Variants in SLC1A6 observed in about 807,000 individuals in gnomAD.
SLC1A6 encodes the protein solute carrier family 1 member 6, also known as excitatory amino acid transporter 4.
A neutral mutation model predicts 42.1 loss-of-function variants in SLC1A6; 15 were observed. That is an observed-to-expected ratio of 0.36 (90% confidence interval 0.24 to 0.55). The LOEUF (loss-of-function observed/expected upper bound fraction) is 0.55. Ranked by LOEUF, SLC1A6 falls within the 20% of genes least tolerant of loss-of-function variation. The pLI is 0.88. For missense variants in SLC1A6, 542 were observed against 772.5 expected (o/e 0.70, Z 3.54); for synonymous variants, 317 against 319.7 (o/e 0.99, Z 0.09).
At chr19:14,981,934 A>T (rs1432898203), upstream of SLC1A6, among the ~76,000 whole-genome samples, 1 of 152,154 alleles carries the variant, frequency 6.6e-6, no homozygotes, top group African/African-American at 2.4e-5. Flanking sequence ...AGGCTGATGC[A>T]GGAGGACCGC....
At position 14,954,164 on chromosome 19, in the gene SLC1A6, C is replaced by T. The variant is rs745340215; in HGVS notation, c.1335G>A (p.Glu445=). The T allele has an allele frequency of 1.2e-6, 2 of 1,611,132 alleles. No individual in the cohort carries two copies. Among genetic ancestry groups the T allele is most frequent in the Non-Finnish European group, 1.7e-6 (2 of 1,178,472 alleles). Residue 445 remains glutamate (E), a synonymous_variant, in exon 8 of 10, where the codon GAG becomes GAA. Coordinates refer to ENST00000594383, the MANE Select transcript of SLC1A6 (RefSeq NM_005071.3). The part of the protein sequence containing the change: ...AIFIAQVNNY[E]LNLGQITTIS... ...TGGTTGTGATCTGACCCAGGTTGAGCTCGTAGTTGTTAACTTGAGCAATGA... is the reference window on the plus strand; with the variant it reads ...TGGTTGTGATCTGACCCAGGTTGAGTTCGTAGTTGTTAACTTGAGCAATGA...
Position 14,990,283 on chromosome 19 carries a change from A to G in SLC1A6, c.7-17366T>C, listed in dbSNP as rs190207768. Among the ~76,000 whole-genome samples, 428 of 152,328 alleles carry G rather than the reference A, an allele frequency of 2.8e-3. 1 individual carries two copies. The highest frequency in any genetic ancestry group is 9.7e-3 in the African/African-American group (402 of 41,580). ...GAACAAATGACAGGATTTCCTTTTG[A>G]TGAACCTGGAGAACATTATGTTGGG... On this transcript the variant is annotated intron_variant, in intron 1 of 8. Transcript: ENST00000430939.
chr19:14,983,517 C>G (rs2045777948), upstream of SLC1A6, among the ~76,000 whole-genome samples: 2 of 151,728 alleles, frequency 1.3e-5, no homozygotes, highest in African/African-American at 2.4e-5. Context: ...GAGACTCCCC[C>G]ATCTCCACAA....
chr19:15,008,908 A>T (rs2145248417), intron 1 of SLC1A6, among the ~76,000 whole-genome samples: 1 of 151,592 alleles, frequency 6.6e-6, no homozygotes. Flanking sequence ...AGGTGATGGA[A>T]TCAGCTGAGC....
intron 9 of SLC1A6, among the ~76,000 whole-genome samples, chr19:14,952,536 C>T (rs12972726): frequency 0.72 from 109,363 of 150,964 alleles, 40,067 homozygotes; most frequent in African/African-American, 0.84. Flanking sequence ...GCGATTCTCC[C>T]ACCTCAGCCT....
chr19:14,980,889 A>G (rs2045763383), upstream of SLC1A6, among the ~76,000 whole-genome samples: 1 of 152,128 alleles, frequency 6.6e-6, no homozygotes, highest in African/African-American at 2.4e-5. Context: ...CAGATGCCCC[A>G]ATTCTAATTC....
chr19:14,968,337 T>C lies in SLC1A6; in HGVS notation c.514A>G (p.Ile172Val), dbSNP rs2145194321. 1 of 1,613,774 alleles carries C rather than the reference T, an allele frequency of 6.2e-7. No individual in the cohort carries two copies. The highest frequency in any genetic ancestry group is 1.3e-5 in the African/African-American group (1 of 75,046). Residue 172 changes from isoleucine (I) to valine (V), a missense_variant, in exon 4 of 10, where the codon ATC (isoleucine) becomes GTC (valine). Ile to Val is a conservative substitution (Grantham distance 29). This residue lies in a region of SLC1A6 where 298 missense variants were observed against 419.4 expected (regional missense o/e 0.71). Coordinates refer to ENST00000594383, the MANE Select transcript of SLC1A6 (RefSeq NM_005071.3). ...GLHREGRIET[I>V]PTADAFMDLI... ...TCCATGAAGGCATCAGCTGTGGGGA[T>C]GGTCTCGATCCGGCCCTCCCGGTGC...
chr19:14,981,039 T>A (rs1333863440), upstream of SLC1A6, among the ~76,000 whole-genome samples: 4 of 151,970 alleles, frequency 2.6e-5, no homozygotes, highest in African/African-American at 9.7e-5. Context: ...ATGCATGTAA[T>A]CCCAGCACAT....
At chr19:14,991,771 A>G (rs2045821285) in intron 1 of SLC1A6, among the ~76,000 whole-genome samples, 1 of 152,140 alleles carries the variant, frequency 6.6e-6, no homozygotes, top group Admixed American at 6.5e-5. Context: ...AAAAATCCAC[A>G]ATGAACAAAT....
At chr19:14,989,903 A>G (rs2045811383) in intron 1 of SLC1A6, among the ~76,000 whole-genome samples, 1 of 151,948 alleles carries the variant, frequency 6.6e-6, no homozygotes, top group African/African-American at 2.4e-5. Context: ...GAAGCAGGAG[A>G]TTCACTTGAA....
At chr19:14,995,326 C>CAAAAAAAAAAAA (rs1173848535) in intron 1 of SLC1A6, among the ~76,000 whole-genome samples, 1 of 52,970 alleles carries the variant, frequency 1.9e-5, no homozygotes, top group Admixed American at 2.7e-4. Context: ...ACTCCATCTC[C>CAAAAAAAAAAAA]AAAAAAAAAA....
upstream of SLC1A6, among the ~76,000 whole-genome samples, chr19:14,983,602 C>T (rs960557806): frequency 3.3e-5 from 5 of 151,168 alleles, no homozygotes; most frequent in East Asian, 2.0e-4. Context: ...GCGGGAGGAT[C>T]GCTTGAGCCT....
Position 14,968,349 on chromosome 19 carries a change from G to A in SLC1A6, c.502C>T (p.Arg168Trp), listed in dbSNP as rs781551972. Residue 168 changes from arginine to tryptophan, a missense_variant, in exon 4 of 10, where the codon CGG becomes TGG. Arg to Trp is a moderately radical substitution (Grantham distance 101). Around this residue, in one of 6 missense-constraint regions of SLC1A6, gnomAD observed 298 missense variants for 419.4 expected, o/e 0.71. Transcript: ENST00000594383. ...GSKEGLHREGRIETIPTADAF... is the reference protein window; with the variant it reads ...GSKEGLHREGWIETIPTADAF... ...TCAGCTGTGGGGATGGTCTCGATCC[G>A]GCCCTCCCGGTGCAGCCCCTCCTTG... is the stretch of plus-strand genomic sequence containing the variant. 20 of 1,613,616 alleles carry A rather than the reference G, an allele frequency of 1.2e-5. No homozygotes were observed. Among genetic ancestry groups the A allele is most frequent in the African/African-American group, 2.7e-5 (2 of 74,884 alleles).
chr19:14,971,744 C>G lies in SLC1A6; in HGVS notation c.336G>C (p.Leu112=). Reference sequence around the variant, plus strand: ...TGGCCTGGGCTCTCTCACCTGTGACCAGGCTGGAGACAATGAGAGGTAACA... The same window carrying G: ...TGGCCTGGGCTCTCTCACCTGTGACGAGGCTGGAGACAATGAGAGGTAACA... ...MLVLPLIVSS[L]VTGMASLDNK... is the part of the protein sequence containing the mutation. The change falls in exon 3 of 10, where the codon CTG becomes CTC. Residue 112 remains leucine (L), a synonymous_variant. Coordinates refer to ENST00000594383, the MANE Select transcript of SLC1A6 (RefSeq NM_005071.3). 1 of 1,613,980 alleles carries G rather than the reference C, an allele frequency of 6.2e-7. No homozygotes were observed. Among genetic ancestry groups the G allele is most frequent in the South Asian group, 1.1e-5 (1 of 91,062 alleles).
intron 3 of SLC1A6, 88 bp downstream of exon 3, chr19:14,971,649 G>T (rs187650487): frequency 7.5e-7 from 1 of 1,325,588 alleles, no homozygotes; most frequent in Non-Finnish European, 1.1e-6. Context: ...CAAGGAAGTG[G>T]TCCCATGCTT....
At chr19:14,998,003 TTG>T (rs58791691) in intron 1 of SLC1A6, among the ~76,000 whole-genome samples, 20 of 140,492 alleles carry the variant, frequency 1.4e-4, no homozygotes, top group South Asian at 7.1e-4. Flanking sequence ...AATATGATGT[TTG>T]TGTGTGTGTG....
upstream of SLC1A6, among the ~76,000 whole-genome samples, chr19:14,984,346 C>CA (rs951179675): frequency 2.1e-4 from 30 of 143,586 alleles, no homozygotes; most frequent in East Asian, 4.1e-4. Context: ...AAATAAAAAA[C>CA]AAAAAAAAAA....
intron 1 of SLC1A6, chr19:14,977,973 TTAA>T (rs2045729722): frequency 6.6e-6 from 1 of 152,200 alleles, no homozygotes; most frequent in Non-Finnish European, 1.5e-5. Flanking sequence ...TGATTGTCAA[TTAA>T]TAATAATACT....
rs1157062485 is a variant in SLC1A6, at chr19:14,956,702, G to A, written c.943C>T (p.Pro315Ser). The change falls in exon 7 of 10, where the codon CCT becomes TCT. Residue 315 changes from proline (P) to serine (S), a missense_variant. Around this residue, in one of 6 missense-constraint regions of SLC1A6, gnomAD observed 298 missense variants for 419.4 expected, o/e 0.71. Coordinates refer to ENST00000594383, the MANE Select transcript of SLC1A6 (RefSeq NM_005071.3). ...GCAATCAGGAACAGGATGCCCACAG[G>A]TGCATACCTGTGTGAGGGAGCCACA... is the stretch of plus-strand genomic sequence containing the variant. ...RLVGIIIWYA[P>S]VGILFLIAGK... 1 of 1,607,066 alleles carries A rather than the reference G, an allele frequency of 6.2e-7. No homozygotes were observed. The highest frequency in any genetic ancestry group is 1.7e-5 in the Admixed American group (1 of 59,622).
Sources: allele counts gnomAD v4.1 joint callset (sites outside exome capture counted in the v4.1 genomes callset), GRCh38; gene constraint gnomAD v4.1.1; regional missense constraint gnomAD v4.1.1; transcripts MANE v1.5; gene names NCBI Gene and HGNC (gene_info 2026-07-23, HGNC 2026-07-21).